Variants in ROR1 observed in about 807,000 individuals in gnomAD.
ROR1 encodes the protein ROR family WNT receptor 1, also known as inactive tyrosine-protein kinase transmembrane receptor ROR1.
Under a neutral mutation model 78.8 loss-of-function variants are expected in ROR1, and 19 were observed. That is an observed-to-expected ratio of 0.24 (90% CI 0.17 to 0.35). The LOEUF (loss-of-function observed/expected upper bound fraction) is 0.35, where lower values mean the gene tolerates loss of function less well. Ranked by LOEUF, ROR1 falls within the 10% of genes least tolerant of loss-of-function variation. The probability of loss-of-function intolerance (pLI) is 1.00; values close to 1 mark genes in which losing one functional copy is unlikely to be tolerated. For missense variants in ROR1, 917 were observed against 1,177.8 expected, an observed-to-expected ratio of 0.78 and a Z score of 3.24; for synonymous variants, 386 against 433.6, an observed-to-expected ratio of 0.89 and a Z score of 1.36.
At chr1:64,051,180 G>A (rs1056870188) in intron 4 of ROR1, among the ~76,000 whole-genome samples, 13 of 151,980 alleles carry the variant, frequency 8.6e-5, no homozygotes, top group African/African-American at 2.9e-4. Context: ...GGCTGGGCGC[G>A]GTGGCTCATG....
intron 1 of ROR1, among the ~76,000 whole-genome samples, chr1:63,918,837 C>G (rs936237468): frequency 2.2e-4 from 34 of 152,240 alleles, no homozygotes; most frequent in African/African-American, 5.5e-4. Flanking sequence ...TGAAGAGTGT[C>G]CTGAGACCTC....
chr1:64,172,975 A>G (rs1650280943), intron 8 of ROR1, among the ~76,000 whole-genome samples: 1 of 152,182 alleles, frequency 6.6e-6, no homozygotes, highest in Non-Finnish European at 1.5e-5. Context: ...CGTACAGTCT[A>G]CTGACTGCTT....
chr1:63,993,688 T>C (rs756261452), intron 1 of ROR1, among the ~76,000 whole-genome samples: 1 of 152,240 alleles, frequency 6.6e-6, no homozygotes, highest in Non-Finnish European at 1.5e-5. Context: ...ATACAGTGCA[T>C]ACAGTTTCCT....
intron 1 of ROR1, among the ~76,000 whole-genome samples, chr1:63,966,338 G>A (rs746777342): frequency 6.6e-6 from 1 of 152,084 alleles, no homozygotes; most frequent in East Asian, 1.9e-4. Flanking sequence ...CAGATGGCAG[G>A]GCACATCCCA....
intron 1 of ROR1, among the ~76,000 whole-genome samples, chr1:64,000,248 C>T (rs1401683254): frequency 6.6e-6 from 1 of 151,996 alleles, no homozygotes; most frequent in Non-Finnish European, 1.5e-5. Flanking sequence ...ATTGGAAACC[C>T]GAGATGTCCA....
chr1:63,934,172 A>C (rs1326085458), intron 1 of ROR1, among the ~76,000 whole-genome samples: 1 of 152,178 alleles, frequency 6.6e-6, no homozygotes, highest in Non-Finnish European at 1.5e-5. Flanking sequence ...GAACGAGGTC[A>C]AGATCCTGTA....
chr1:63,782,531 C>G (rs1010800547), intron 1 of ROR1, among the ~76,000 whole-genome samples: 41 of 147,270 alleles, frequency 2.8e-4, no homozygotes, highest in African/African-American at 9.5e-4. Flanking sequence ...ATTGTTAAGG[C>G]TGAGATTTTG....
chr1:63,974,847 A>T (rs1646146029), intron 1 of ROR1, among the ~76,000 whole-genome samples: 1 of 152,018 alleles, frequency 6.6e-6, no homozygotes, highest in Non-Finnish European at 1.5e-5. Context: ...TTATGTTTTC[A>T]CTACATTTAC....
chr1:64,007,170 G>C (rs1237922286), intron 1 of ROR1, among the ~76,000 whole-genome samples: 2 of 152,142 alleles, frequency 1.3e-5, no homozygotes, highest in Non-Finnish European at 1.5e-5. Flanking sequence ...TTCTATCTCA[G>C]ATCAATTTTT....
At chr1:63,822,559 A>G (rs762729373) in intron 1 of ROR1, among the ~76,000 whole-genome samples, 13 of 152,228 alleles carry the variant, frequency 8.5e-5, no homozygotes, top group Non-Finnish European at 1.8e-4. Flanking sequence ...TATCATTAGA[A>G]ACTTTTTCCA....
At chr1:64,052,185 C>G (rs975998730) in intron 4 of ROR1, among the ~76,000 whole-genome samples, 2 of 121,614 alleles carry the variant, frequency 1.6e-5, no homozygotes, top group South Asian at 2.7e-4. Flanking sequence ...TGCTAATCTG[C>G]TTTTTTTTTT....
chr1:63,935,352 C>T (rs1645786070), intron 1 of ROR1, among the ~76,000 whole-genome samples: 1 of 152,274 alleles, frequency 6.6e-6, no homozygotes, highest in South Asian at 2.1e-4. Flanking sequence ...GGACCAGGTC[C>T]TGTTTACCAG....
intron 1 of ROR1, among the ~76,000 whole-genome samples, chr1:63,887,222 G>A (rs1303947602): frequency 3.0e-5 from 1 of 33,344 alleles, no homozygotes; most frequent in Non-Finnish European, 9.7e-5. Context: ...TTGCGTTTTG[G>A]GATGGGGGGG....
At chr1:64,093,019 G>T (rs1006010345) in intron 4 of ROR1, among the ~76,000 whole-genome samples, 11 of 152,176 alleles carry the variant, frequency 7.2e-5, no homozygotes, top group Admixed American at 2.6e-4. Context: ...GACCACTTAG[G>T]ACAGCTTTGG....
chr1:64,108,060 T>TTGTGTG (rs3084945), intron 4 of ROR1, among the ~76,000 whole-genome samples: 4 of 146,424 alleles, frequency 2.7e-5, no homozygotes, highest in African/African-American at 5.1e-5. Flanking sequence ...TGTTTTCTTG[T>TTGTGTG]TGTGTGTGTG....
intron 7 of ROR1, among the ~76,000 whole-genome samples, chr1:64,148,053 A>T (rs1345117583): frequency 1.3e-5 from 2 of 152,220 alleles, no homozygotes; most frequent in African/African-American, 4.8e-5. Context: ...TACACTGTAC[A>T]ATTGTAAACT....
intron 2 of ROR1, among the ~76,000 whole-genome samples, chr1:64,023,732 T>C (rs539665318): frequency 7.2e-5 from 11 of 152,226 alleles, no homozygotes; most frequent in Non-Finnish European, 1.5e-4. Flanking sequence ...GTAAACAACA[T>C]TTGTCCCTTA....
intron 2 of ROR1, among the ~76,000 whole-genome samples, chr1:64,013,608 G>A (rs559675400): frequency 4.6e-5 from 7 of 152,182 alleles, no homozygotes; most frequent in Middle Eastern, 3.4e-3. Context: ...TGCCCCTAAT[G>A]GACATACTTC....
At chr1:63,989,599 C>G (rs1398354421) in intron 1 of ROR1, among the ~76,000 whole-genome samples, 2 of 152,132 alleles carry the variant, frequency 1.3e-5, no homozygotes, top group Non-Finnish European at 2.9e-5. Context: ...TAAATAATAT[C>G]CCCCTCCCAC....
Sources: allele counts gnomAD v4.1 joint callset (sites outside exome capture counted in the v4.1 genomes callset), GRCh38; gene constraint gnomAD v4.1.1; transcripts MANE v1.5; gene names NCBI Gene and HGNC (gene_info 2026-07-23, HGNC 2026-07-21).